The following FBXO31 variants were observed in gnomAD, a reference collection of about 807,000 sequenced individuals.
The protein encoded by FBXO31 is F-box only protein 31.
In FBXO31, 24 loss-of-function variants were observed where a neutral mutation model predicts 54.4. That is an observed-to-expected ratio of 0.44 (90% CI 0.32 to 0.62). The LOEUF is 0.62. Ranked by LOEUF, FBXO31 falls within the 20% of genes least tolerant of loss-of-function variation. The pLI, the probability that FBXO31 is intolerant of heterozygous loss-of-function variation, is 0.05. For synonymous variants in FBXO31, 388 were observed against 335.6 expected (o/e 1.16, Z -1.71); for missense variants, 665 against 787.1 (o/e 0.84, Z 1.86).
intron 1 of FBXO31, among the ~76,000 whole-genome samples, chr16:87,366,317 C>T (rs1370409946): frequency 2.0e-5 from 3 of 152,196 alleles, no homozygotes; most frequent in East Asian, 1.9e-4. Context: ...GAACTCTCTG[C>T]CCTTCCTTGC....
Position 87,338,833 on chromosome 16 carries a change from C to T in FBXO31, c.733-2569G>A, listed in dbSNP as rs1905108324. Among the ~76,000 whole-genome samples, 1 of 152,148 alleles carries T rather than the reference C, an allele frequency of 6.6e-6. No individual in the cohort carries two copies. The highest frequency in any genetic ancestry group is 2.4e-5 in the African/African-American group (1 of 41,442). On this transcript the variant is annotated intron_variant, in intron 5 of 8. Coordinates refer to ENST00000311635, the MANE Select transcript of FBXO31 (RefSeq NM_024735.5). The surrounding 1 kb of genome is among the most constrained non-coding windows in gnomAD (Gnocchi z 4.3). Reference sequence around the variant, plus strand: ...GGTTTGGCTGTGTCCCCACCCAAATCTCATCTTGAACTGTAGCTCTTCCAA... The same window carrying T: ...GGTTTGGCTGTGTCCCCACCCAAATTTCATCTTGAACTGTAGCTCTTCCAA...
At chr16:87,359,265 TC>T (rs1182645392) in intron 2 of FBXO31, among the ~76,000 whole-genome samples, 1 of 152,182 alleles carries the variant, frequency 6.6e-6, no homozygotes, top group African/African-American at 2.4e-5. Context: ...TATCCCCTCT[TC>T]TGTGCCCACC....
Position 87,327,862 on chromosome 16 carries a change from TAAGTGTTCTTAA to T in FBXO31, c.*3414_*3425del. On this transcript the variant is annotated 3_prime_UTR_variant, in exon 9 of 9. Transcript: ENST00000311635. ...TGATGGTTCTATGAGCACATTCCCG[TAAGTGTTCTTAA>T]AAGTTACACCACGAAGGCAGCAACC... 1 of 152,166 alleles carries T rather than the reference TAAGTGTTCTTAA, an allele frequency of 6.6e-6. No individual in the cohort carries two copies. Among genetic ancestry groups the T allele is most frequent in the Admixed American group, 6.5e-5 (1 of 15,272 alleles). 9.4% of individuals were successfully genotyped at this position (152,166 alleles called of 1,614,324 possible).
chr16:87,351,096 GCA>G (rs1905633962), intron 2 of FBXO31, among the ~76,000 whole-genome samples: 1 of 152,166 alleles, frequency 6.6e-6, no homozygotes, highest in African/African-American at 2.4e-5. Flanking sequence ...GGCTGCCAGC[GCA>G]CAGACCCAGA....
At chr16:87,373,406 C>G (rs1219472421) in intron 1 of FBXO31, among the ~76,000 whole-genome samples, 1 of 152,014 alleles carries the variant, frequency 6.6e-6, no homozygotes, top group Non-Finnish European at 1.5e-5. Context: ...GAGCCGAGAT[C>G]GCGCCACTGC....
Position 87,334,183 on chromosome 16 carries a change from G to T in FBXO31, c.1100C>A (p.Ser367Tyr), listed in dbSNP as rs948498432. Residue 367 changes from serine (S) to tyrosine (Y), a missense_variant, in exon 8 of 9, where the codon TCC (serine) becomes TAC (tyrosine). Physicochemically the swap from Ser to Tyr is moderately radical, Grantham distance 144. Transcript: ENST00000311635. The part of the protein sequence containing the change: ...LENQRNFNEL[S>Y]RIVLEVRERV... ...CTCGCGCACCTCCAGGACGATGCGG[G>T]AGAGCTCATTGAAGTTGCGCTGGTT... 8.1e-5 allele frequency: 131 copies of T among 1,612,822 alleles called. No homozygotes were observed. Among genetic ancestry groups the T allele is most frequent in the Non-Finnish European group, 1.1e-4 (125 of 1,179,788 alleles).
At chr16:87,342,764 G>A in intron 5 of FBXO31, 113 bp downstream of exon 5, 1 of 820,224 alleles carries the variant, frequency 1.2e-6, no homozygotes, top group South Asian at 2.0e-5. Context: ...ATGTGAAACA[G>A]CCACCATGCA....
In FBXO31 at chr16:87,335,272, G is replaced by C. The variant is rs749131307; in HGVS notation, c.996+32C>G. On this transcript the variant is annotated intron_variant, in intron 7 of 8. Coordinates refer to ENST00000311635, the MANE Select transcript of FBXO31 (RefSeq NM_024735.5). The surrounding 1 kb of genome is among the most constrained non-coding windows in gnomAD (Gnocchi z 5.7). ...AGCCCACTTGGGCCAGGTGCCCCCA[G>C]AGCCCCACCAACCAGGTCAGCCGCC... 2 of 1,610,248 alleles carry C rather than the reference G, an allele frequency of 1.2e-6. No individual in the cohort carries two copies. Among genetic ancestry groups the C allele is most frequent in the Admixed American group, 1.7e-5 (1 of 60,004 alleles).
chr16:87,382,915 C>A (rs1907146957), intron 1 of FBXO31, among the ~76,000 whole-genome samples: 1 of 152,204 alleles, frequency 6.6e-6, no homozygotes, highest in African/African-American at 2.4e-5. Flanking sequence ...AGATTACAGG[C>A]GTGAAACCGC....
chr16:87,372,925 G>T (rs1906663765), intron 1 of FBXO31, among the ~76,000 whole-genome samples: 1 of 151,524 alleles, frequency 6.6e-6, no homozygotes, highest in Non-Finnish European at 1.5e-5. Flanking sequence ...TGTAGAGACG[G>T]GGTTTCACCA....
At position 87,336,349 on chromosome 16, in the gene FBXO31, G is replaced by A. The variant is rs1905046258; in HGVS notation, c.733-85C>T. 4.8e-6 allele frequency: 6 copies of A among 1,245,074 alleles called. No homozygotes were observed. Among genetic ancestry groups the A allele is most frequent in the Admixed American group, 1.7e-5 (1 of 58,106 alleles). 77.1% of individuals were successfully genotyped at this position (1,245,074 alleles called of 1,614,324 possible). On this transcript the variant is annotated intron_variant, in intron 5 of 8. Transcript: ENST00000311635. The surrounding 1 kb of genome is among the most constrained non-coding windows in gnomAD (Gnocchi z 6.5). Reference sequence around the variant, plus strand: ...GGCTGTGCCGCTGAGAGGACACAGTGTGTCCTTCTTTGTCAGTGCACAGGC... The same window carrying A: ...GGCTGTGCCGCTGAGAGGACACAGTATGTCCTTCTTTGTCAGTGCACAGGC...
chr16:87,375,909 C>A (rs188015422), intron 1 of FBXO31, among the ~76,000 whole-genome samples: 1 of 152,188 alleles, frequency 6.6e-6, no homozygotes, highest in Non-Finnish European at 1.5e-5. Flanking sequence ...CTGCCCCTGC[C>A]GCCACCCTCA....
At chr16:87,375,148 T>C (rs983044767) in intron 1 of FBXO31, among the ~76,000 whole-genome samples, 1 of 151,994 alleles carries the variant, frequency 6.6e-6, no homozygotes, top group Non-Finnish European at 1.5e-5. Context: ...CTACTAAAAA[T>C]ACAAAAAATT....
intron 1 of FBXO31, among the ~76,000 whole-genome samples, chr16:87,381,604 G>A (rs1282710837): frequency 1.3e-5 from 2 of 152,202 alleles, no homozygotes; most frequent in African/African-American, 2.4e-5. Flanking sequence ...AACTCTGTCC[G>A]GGAGGACTTG....
At chr16:87,363,387 A>AAACAAT (rs1444916076) in intron 1 of FBXO31, among the ~76,000 whole-genome samples, 1 of 152,148 alleles carries the variant, frequency 6.6e-6, no homozygotes, top group Non-Finnish European at 1.5e-5. Context: ...TCTGCCTCAA[A>AAACAAT]AAAAATAAAA....
At chr16:87,367,157 G>C (rs769729958) in intron 1 of FBXO31, 4 of 152,208 alleles carry the variant, frequency 2.6e-5, no homozygotes, top group Non-Finnish European at 5.9e-5. Flanking sequence ...GCAACACAGT[G>C]AGACCCTGTC....
Position 87,335,283 on chromosome 16 carries a change from A to T in FBXO31, c.996+21T>A. Reference sequence around the variant, plus strand: ...GCCAGGTGCCCCCAGAGCCCCACCAACCAGGTCAGCCGCCACTCACCGTGA... The same window carrying T: ...GCCAGGTGCCCCCAGAGCCCCACCATCCAGGTCAGCCGCCACTCACCGTGA... On this transcript the variant is annotated intron_variant, in intron 7 of 8. Coordinates refer to ENST00000311635, the MANE Select transcript of FBXO31 (RefSeq NM_024735.5). The surrounding 1 kb of genome is among the most constrained non-coding windows in gnomAD (Gnocchi z 5.7). 6.2e-7 allele frequency: 1 copy of T among 1,611,854 alleles called. No homozygotes were observed. Among genetic ancestry groups the T allele is most frequent in the Non-Finnish European group, 8.5e-7 (1 of 1,179,886 alleles).
rs55746745 is a variant in FBXO31, at chr16:87,365,010, AATATATATATATATATAT to A, written c.341-4662_341-4645del. 3.4e-4 allele frequency among the ~76,000 whole-genome samples: 16 copies of A among 47,682 alleles called. 2 individuals carry two copies. In the South Asian group the frequency reaches 8.8e-3, roughly 26 times the overall value. 31.3% of individuals were successfully genotyped at this position (47,682 alleles called of 152,430 possible). The stretch of plus-strand genomic sequence containing the variant: ...TGACAGAGCGAGACCCCGTCTCTTA[AATATATATATATATATAT>A]ATATATATATATCAGGCAGGCCACC... On this transcript the variant is annotated intron_variant, in intron 1 of 8. Transcript: ENST00000311635.
At chr16:87,372,745 T>C (rs560461343) in intron 1 of FBXO31, among the ~76,000 whole-genome samples, 49 of 150,596 alleles carry the variant, frequency 3.3e-4, no homozygotes, top group African/African-American at 1.2e-3. Context: ...TTTTTTTTTT[T>C]TTTTTGAGAC....
Sources: gnomAD v4.1 joint callset for allele counts (sites outside exome capture counted in the v4.1 genomes callset) on GRCh38, gnomAD v4.1.1 for gene constraint, Gnocchi (gnomAD v3.1) non-coding constraint, MANE v1.5 for transcripts, NCBI Gene and HGNC (gene_info 2026-07-23, HGNC 2026-07-21) for gene names.